The following FAM161A variants were observed in gnomAD, a reference collection of about 807,000 sequenced individuals.
FAM161A encodes the protein FAM161 centrosomal protein A.
A neutral mutation model predicts 70.9 loss-of-function variants in FAM161A; 57 were observed. That is an observed-to-expected ratio of 0.80 (90% CI 0.65 to 1.00). The LOEUF is 1.00. FAM161A is among the 50% of genes least tolerant of loss of function. The pLI, the probability that FAM161A is intolerant of heterozygous loss-of-function variation, is 0.00. For missense variants in FAM161A, 880 were observed against 836.0 expected, an observed-to-expected ratio of 1.05 and a Z score of -0.65; for synonymous variants, 299 against 295.7, an observed-to-expected ratio of 1.01 and a Z score of -0.12.
the FAM161A span, among the ~76,000 whole-genome samples, chr2:61,812,164 C>T: frequency 6.6e-6 from 1 of 152,136 alleles, no homozygotes. Flanking sequence ...TCACTCTTCA[C>T]CCCTTTACCT....
the FAM161A span, among the ~76,000 whole-genome samples, chr2:61,811,020 TGC>T: frequency 7.9e-5 from 12 of 152,172 alleles, no homozygotes; most frequent in Non-Finnish European, 1.6e-4. Flanking sequence ...ATCCTCCAAT[TGC>T]TCCCCACAGA....
At chr2:61,808,824 G>C in the FAM161A span, among the ~76,000 whole-genome samples, 22 of 152,192 alleles carry the variant, frequency 1.4e-4, no homozygotes, top group East Asian at 3.7e-3. Context: ...GTGGGGAGTG[G>C]AGAAGACCAG....
At chr2:61,840,608 A>T in intron 2 of FAM161A, 27 bp from the exon 3 acceptor site, 7 of 1,452,028 alleles carry the variant, frequency 4.8e-6, no homozygotes, top group Non-Finnish European at 6.8e-6. Context: ...ACTATGTTAT[A>T]CTTTCAGTTG....
chr2:61,832,936 G>C (rs918701978), intron 5 of FAM161A, among the ~76,000 whole-genome samples: 4 of 152,198 alleles, frequency 2.6e-5, no homozygotes, highest in Non-Finnish European at 4.4e-5. Flanking sequence ...AAGTGGAGCA[G>C]GACACTTGTG....
At chr2:61,838,456 G>T in intron 4 of FAM161A, 82 bp downstream of exon 4, 3 of 1,158,270 alleles carry the variant, frequency 2.6e-6, no homozygotes, top group Non-Finnish European at 2.5e-6. Context: ...TTTTCAATCT[G>T]CTCATATTTT....
At chr2:61,809,475 C>T in the FAM161A span, among the ~76,000 whole-genome samples, 33,446 of 152,142 alleles carry the variant, frequency 0.22, 3,802 homozygotes, top group Middle Eastern at 0.29. Context: ...TTCAAAGTCT[C>T]CACTTGGGTT....
chr2:61,809,421 C>G, the FAM161A span, among the ~76,000 whole-genome samples: 605 of 152,304 alleles, frequency 4.0e-3, 4 homozygotes, highest in African/African-American at 0.014. Flanking sequence ...ATCTCCAGTC[C>G]AGACCTCCCT....
intron 1 of FAM161A, chr2:61,846,789 G>T: frequency 2.8e-6 from 1 of 359,546 alleles, no homozygotes; most frequent in Admixed American, 3.3e-5. Flanking sequence ...ACTGCTTCCT[G>T]TCGGCTTGTG....
chr2:61,830,798 G>A (rs988176556), intron 5 of FAM161A, among the ~76,000 whole-genome samples: 1 of 151,558 alleles, frequency 6.6e-6, no homozygotes, highest in African/African-American at 2.4e-5. Context: ...GTGAGTCACT[G>A]GCCTAATTTT....
At chr2:61,827,599 G>A (rs914634232) in intron 5 of FAM161A, among the ~76,000 whole-genome samples, 2 of 107,288 alleles carry the variant, frequency 1.9e-5, no homozygotes, top group Non-Finnish European at 3.6e-5. Context: ...GACAGAACAA[G>A]ACTCTGTCTC....
intron 5 of FAM161A, among the ~76,000 whole-genome samples, chr2:61,832,849 G>GA (rs1672634632): frequency 6.6e-6 from 1 of 152,104 alleles, no homozygotes; most frequent in Admixed American, 6.5e-5. Flanking sequence ...CTGGTCTGTG[G>GA]AAAAATGGTC....
intron 4 of FAM161A, 121 bp downstream of exon 4, chr2:61,838,417 T>G (rs1445100125): frequency 2.3e-6 from 2 of 852,620 alleles, no homozygotes; most frequent in Non-Finnish European, 1.8e-6. Flanking sequence ...GATGACAATT[T>G]AAATCCATAA....
intron 5 of FAM161A, among the ~76,000 whole-genome samples, chr2:61,828,464 G>A (rs1302910204): frequency 6.6e-6 from 1 of 152,080 alleles, no homozygotes; most frequent in African/African-American, 2.4e-5. Context: ...GAGTAGCTGG[G>A]ACCATAGGCG....
At chr2:61,839,389 G>C in intron 3 of FAM161A, 32 bp downstream of exon 3, 1 of 1,607,674 alleles carries the variant, frequency 6.2e-7, no homozygotes, top group Non-Finnish European at 8.5e-7. Context: ...TGGCAACCAT[G>C]AGTCAGTCAG....
rs868212113 is a variant in FAM161A at position 61,827,349 on chromosome 2, G to A, written c.1852-91C>T. 8 of 1,293,732 alleles carry A rather than the reference G, an allele frequency of 6.2e-6. No individual in the cohort carries two copies. The African/African-American group carries it at 8.8e-5, about 14-fold the overall frequency. The allele number at this position is 1,293,732 out of a possible 1,614,324, so 80.1% of individuals were successfully genotyped here. A position where few individuals can be genotyped will look rare whatever the true frequency, so the allele number is the denominator to read the frequency against. On this transcript the variant is annotated intron_variant, in intron 5 of 6. Coordinates refer to ENST00000404929, the MANE Select transcript of FAM161A (RefSeq NM_001201543.2). Reference sequence around the variant, plus strand: ...GATTAGGCCAGGCGCGGTGGCTCACGCCTGTAATCCCAGTGCTTTGGGAGG... The same window carrying A: ...GATTAGGCCAGGCGCGGTGGCTCACACCTGTAATCCCAGTGCTTTGGGAGG...
the FAM161A span, among the ~76,000 whole-genome samples, chr2:61,814,272 T>A: frequency 6.6e-6 from 1 of 152,222 alleles, no homozygotes; most frequent in Non-Finnish European, 1.5e-5. Context: ...CCTGACAGTT[T>A]GCTCTTTGAA....
chr2:61,808,240 C>G, the FAM161A span, among the ~76,000 whole-genome samples: 11 of 152,112 alleles, frequency 7.2e-5, no homozygotes, highest in Admixed American at 6.5e-4. Flanking sequence ...TTCATAGTAA[C>G]TGCTTACAGA....
chr2:61,830,925 A>G (rs1672547595), intron 5 of FAM161A, among the ~76,000 whole-genome samples: 1 of 151,652 alleles, frequency 6.6e-6, no homozygotes, highest in African/African-American at 2.4e-5. Flanking sequence ...CCTGACCAAC[A>G]TGATGAAACT....
intron 5 of FAM161A, among the ~76,000 whole-genome samples, chr2:61,829,484 T>G (rs2105063282): frequency 6.6e-6 from 1 of 152,240 alleles, no homozygotes; most frequent in South Asian, 2.1e-4. Flanking sequence ...ACAATAATAT[T>G]TTTTAGAAAA....
Sources: allele counts gnomAD v4.1 joint callset (sites outside exome capture counted in the v4.1 genomes callset), GRCh38; gene constraint gnomAD v4.1.1; transcripts MANE v1.5; gene names NCBI Gene and HGNC (gene_info 2026-07-23, HGNC 2026-07-21).